Variants in ADAMTSL3 observed in about 807,000 individuals in gnomAD.
ADAMTSL3 encodes the protein ADAMTS-like protein 3.
In ADAMTSL3, 128 loss-of-function variants were observed where a neutral mutation model predicts 201.7. The ratio of observed to expected loss-of-function variants is 0.63; its 90% confidence interval spans 0.55 to 0.73. ADAMTSL3 has a LOEUF of 0.73. Ranked by LOEUF, ADAMTSL3 falls within the 30% of genes least tolerant of loss-of-function variation. ADAMTSL3 has a pLI of 0.00. For synonymous variants in ADAMTSL3, 738 were observed against 748.4 expected (o/e 0.99, Z 0.23); for missense variants, 1,990 against 2,119.6 (o/e 0.94, Z 1.20).
intron 19 of ADAMTSL3, among the ~76,000 whole-genome samples, chr15:83,950,602 C>T (rs2066739150): frequency 6.6e-6 from 1 of 151,998 alleles, no homozygotes; most frequent in South Asian, 2.1e-4. Context: ...GTAGTATGGA[C>T]ATTGCAACAG....
At chr15:83,830,910 T>A (rs1169685645) in intron 6 of ADAMTSL3, among the ~76,000 whole-genome samples, 3 of 152,150 alleles carry the variant, frequency 2.0e-5, no homozygotes, top group African/African-American at 7.2e-5. Context: ...AAACTTAAGC[T>A]TCATTAACTT....
chr15:83,987,116 A>G (rs2067494489), intron 21 of ADAMTSL3, among the ~76,000 whole-genome samples: 1 of 152,250 alleles, frequency 6.6e-6, no homozygotes, highest in African/African-American at 2.4e-5. Flanking sequence ...ATGATTTAAT[A>G]TGTTTATTTT....
At position 83,937,550 on chromosome 15, in the gene ADAMTSL3, TA is replaced by T. The variant is rs757827410; in HGVS notation, c.2118-5045del. ...GAAGGGAGAGGATTGAAAAAGTACC[TA>T]CCAGGTACTATGCTTATTTATATGG... On this transcript the variant is annotated intron_variant, in intron 17 of 29. Coordinates refer to ENST00000286744, the MANE Select transcript of ADAMTSL3 (RefSeq NM_207517.3). Among the ~76,000 whole-genome samples, 28 of 150,886 alleles carry T rather than the reference TA, an allele frequency of 1.9e-4. 1 individual carries two copies. Among genetic ancestry groups the T allele is most frequent in the South Asian group, 4.1e-4 (2 of 4,820 alleles).
chr15:83,863,671 T>C (rs1184054990), intron 8 of ADAMTSL3, among the ~76,000 whole-genome samples: 2 of 152,104 alleles, frequency 1.3e-5, no homozygotes, highest in Non-Finnish European at 2.9e-5. Flanking sequence ...AGGAAAGATC[T>C]AAAATTGACA....
At chr15:83,926,245 AG>A (rs2066243622) in intron 17 of ADAMTSL3, among the ~76,000 whole-genome samples, 7 of 152,202 alleles carry the variant, frequency 4.6e-5, no homozygotes, top group Admixed American at 4.6e-4. Context: ...CCCCAAGGAA[AG>A]AAAGAGCTCA....
At chr15:83,693,270 G>A (rs1170036042) in intron 2 of ADAMTSL3, among the ~76,000 whole-genome samples, 2 of 152,134 alleles carry the variant, frequency 1.3e-5, no homozygotes, top group African/African-American at 2.4e-5. Context: ...GAGCATTGTT[G>A]GGCTATGTCT....
intron 15 of ADAMTSL3, among the ~76,000 whole-genome samples, chr15:83,908,943 G>C (rs1331712991): frequency 6.6e-6 from 1 of 152,170 alleles, no homozygotes; most frequent in Non-Finnish European, 1.5e-5. Flanking sequence ...GCAGAATTCA[G>C]TTCCATGCAT....
chr15:83,687,173 C>T (rs1462132896), intron 2 of ADAMTSL3, among the ~76,000 whole-genome samples: 1 of 152,168 alleles, frequency 6.6e-6, no homozygotes, highest in African/African-American at 2.4e-5. Flanking sequence ...CACTGCACTT[C>T]AGCCTGGGCC....
intron 3 of ADAMTSL3, among the ~76,000 whole-genome samples, chr15:83,762,908 A>G (rs2062830236): frequency 6.8e-6 from 1 of 146,050 alleles, no homozygotes; most frequent in South Asian, 2.1e-4. Flanking sequence ...TTTTTTTGAG[A>G]TAGAGTCTCA....
chr15:83,862,209 A>G (rs2064878935), intron 8 of ADAMTSL3: 3 of 152,372 alleles, frequency 2.0e-5, no homozygotes, highest in African/African-American at 7.2e-5. Context: ...GGTATTATCC[A>G]GGTGAACTTC....
chr15:83,927,202 T>G (rs1474139628), intron 17 of ADAMTSL3, among the ~76,000 whole-genome samples: 3 of 151,854 alleles, frequency 2.0e-5, no homozygotes, highest in Admixed American at 2.0e-4. Flanking sequence ...CTGCAGCCTC[T>G]GCCTCCTGGG....
chr15:83,820,697 C>G (rs1434909600), intron 6 of ADAMTSL3, among the ~76,000 whole-genome samples: 1 of 152,170 alleles, frequency 6.6e-6, no homozygotes, highest in Non-Finnish European at 1.5e-5. Context: ...TGCATTCCAG[C>G]AGATTTTTCA....
intron 3 of ADAMTSL3, among the ~76,000 whole-genome samples, chr15:83,763,309 G>C (rs1054492102): frequency 6.6e-6 from 1 of 152,060 alleles, no homozygotes; most frequent in African/African-American, 2.4e-5. Context: ...GCATATTAGA[G>C]GTCACATGCC....
At position 83,970,578 on chromosome 15, in the gene ADAMTSL3, T is replaced by C. The variant is rs367908670; in HGVS notation, c.2585T>C (p.Met862Thr). The C allele has an allele frequency of 1.9e-6, 3 of 1,614,224 alleles. No individual in the cohort carries two copies. The highest frequency in any genetic ancestry group is 2.5e-6 in the Non-Finnish European group (3 of 1,180,032). The part of the protein sequence containing the change: ...KGRRIPLSEM[M>T]CRDLPGLPLV... The stretch of plus-strand genomic sequence containing the variant: ...CGGCGCATCCCCCTCAGTGAGATGA[T>C]GTGCAGGGATCTACCAGGGCTCCCT... The change falls in exon 20 of 30, where the codon ATG becomes ACG. Residue 862 changes from methionine (M) to threonine (T), a missense_variant. Met to Thr is a moderately conservative substitution (Grantham distance 81). Transcript: ENST00000286744.
intron 3 of ADAMTSL3, among the ~76,000 whole-genome samples, chr15:83,771,500 G>T (rs1567133939): frequency 1.3e-5 from 2 of 151,960 alleles, no homozygotes; most frequent in Non-Finnish European, 2.9e-5. Flanking sequence ...TCAATGAGTC[G>T]GTCTATGTTA....
At chr15:84,002,308 T>C (rs2141862738) in intron 23 of ADAMTSL3, among the ~76,000 whole-genome samples, 1 of 152,356 alleles carries the variant, frequency 6.6e-6, no homozygotes, top group South Asian at 2.1e-4. Context: ...AGTGTCGCCA[T>C]GTCTTGAAGC....
rs148269469 is a variant in ADAMTSL3 at position 84,012,204 on chromosome 15, A to G, written c.3974-2338A>G. Among the ~76,000 whole-genome samples the G allele has an allele frequency of 2.0e-5, 3 of 152,322 alleles. No homozygotes were observed. The East Asian group carries it at 5.8e-4, about 29-fold the overall frequency. The stretch of plus-strand genomic sequence containing the variant: ...ACAATACCCATATATTATGTCACCT[A>G]TGTTGCACAGAATTGCTGAACTGAC... On this transcript the variant is annotated intron_variant, in intron 23 of 29. Transcript: ENST00000286744.
At chr15:83,952,305 G>A (rs186723920) in intron 19 of ADAMTSL3, among the ~76,000 whole-genome samples, 1 of 152,192 alleles carries the variant, frequency 6.6e-6, no homozygotes, top group Non-Finnish European at 1.5e-5. Flanking sequence ...TCATTCCATT[G>A]TGGTCAGAAA....
chr15:84,025,971 C>T (rs557540607), intron 27 of ADAMTSL3, among the ~76,000 whole-genome samples: 3 of 152,054 alleles, frequency 2.0e-5, no homozygotes, highest in African/African-American at 4.8e-5. Flanking sequence ...AATATATGCA[C>T]GTAATACAAT....
Sources: gnomAD v4.1 joint callset for allele counts (sites outside exome capture counted in the v4.1 genomes callset) on GRCh38, gnomAD v4.1.1 for gene constraint, MANE v1.5 for transcripts, NCBI Gene and HGNC (gene_info 2026-07-23, HGNC 2026-07-21) for gene names.